The following ARHGAP32 variants were observed in gnomAD, a reference collection of about 807,000 sequenced individuals.
ARHGAP32 encodes the protein rho GTPase-activating protein 32.
ARHGAP32 carries 51 observed loss-of-function variants against 186.5 expected under a neutral mutation model. That is an observed-to-expected ratio of 0.27 (90% CI 0.22 to 0.35). The LOEUF is 0.35. Among genes scored for constraint, ARHGAP32 ranks in the 10% least tolerant of loss-of-function variants. The pLI is 1.00. For missense variants in ARHGAP32, 2,186 were observed against 2,623.5 expected (o/e 0.83, Z 3.64); for synonymous variants, 950 against 964.3 (o/e 0.99, Z 0.27).
intron 1 of ARHGAP32, among the ~76,000 whole-genome samples, chr11:129,166,418 C>A (rs1943642276): frequency 6.6e-6 from 1 of 151,824 alleles, no homozygotes; most frequent in Admixed American, 6.6e-5. Context: ...ATTCTATAAA[C>A]CTCAAGCAGA....
chr11:129,062,801 C>T (rs1940554893), intron 9 of ARHGAP32, among the ~76,000 whole-genome samples: 1 of 150,092 alleles, frequency 6.7e-6, no homozygotes, highest in South Asian at 2.1e-4. Flanking sequence ...ATGTGCCAGG[C>T]ACTGTACTGA....
chr11:129,109,786 T>C (rs961299270), intron 5 of ARHGAP32, among the ~76,000 whole-genome samples: 3 of 152,084 alleles, frequency 2.0e-5, no homozygotes, highest in Non-Finnish European at 2.9e-5. Context: ...TTTTATTTTT[T>C]GGTTTTTGTT....
chr11:129,127,776 T>C (rs1254423255), intron 2 of ARHGAP32, among the ~76,000 whole-genome samples: 1 of 72,794 alleles, frequency 1.4e-5, no homozygotes, highest in Non-Finnish European at 2.8e-5. Flanking sequence ...AAATAACAAG[T>C]TTTCCTATTT....
At chr11:129,276,491 A>C (rs1330275827) in intron 1 of ARHGAP32, among the ~76,000 whole-genome samples, 1 of 152,012 alleles carries the variant, frequency 6.6e-6, no homozygotes, top group African/African-American at 2.4e-5. Flanking sequence ...ATTTTCTGTA[A>C]AGACTGGGCC....
intron 1 of ARHGAP32, among the ~76,000 whole-genome samples, chr11:129,260,723 A>G (rs1361585400): frequency 2.0e-5 from 3 of 152,194 alleles, no homozygotes; most frequent in East Asian, 3.8e-4. Flanking sequence ...TTCTTGCGCT[A>G]AAGGCAACCT....
At chr11:129,095,555 G>C (rs1376322499) in intron 5 of ARHGAP32, among the ~76,000 whole-genome samples, 1 of 152,150 alleles carries the variant, frequency 6.6e-6, no homozygotes, top group Non-Finnish European at 1.5e-5. Flanking sequence ...CCAAGGACAA[G>C]GCAGCTAACC....
intron 15 of ARHGAP32, among the ~76,000 whole-genome samples, chr11:128,983,139 C>T (rs1308710314): frequency 1.3e-5 from 2 of 152,072 alleles, no homozygotes; most frequent in Admixed American, 1.3e-4. Context: ...CACAGAATTA[C>T]CATTCCCCTT....
intron 1 of ARHGAP32, among the ~76,000 whole-genome samples, chr11:129,190,240 A>G (rs549861638): frequency 3.3e-5 from 5 of 152,306 alleles, no homozygotes; most frequent in African/African-American, 1.2e-4. Context: ...ATTTTCCTGT[A>G]GGGCATCTCG....
intron 5 of ARHGAP32, among the ~76,000 whole-genome samples, chr11:129,105,449 C>A (rs145489682): frequency 6.6e-6 from 1 of 152,250 alleles, no homozygotes; most frequent in South Asian, 2.1e-4. Flanking sequence ...AGAAGCAACA[C>A]GTAAAGACCG....
intron 10 of ARHGAP32, among the ~76,000 whole-genome samples, chr11:129,058,950 CATACA>C (rs1940378361): frequency 1.3e-5 from 2 of 152,178 alleles, no homozygotes; most frequent in African/African-American, 4.8e-5. Flanking sequence ...TTTTCTCCAG[CATACA>C]ATTGATTAAT....
intron 5 of ARHGAP32, among the ~76,000 whole-genome samples, chr11:129,113,279 T>C (rs1942277619): frequency 6.6e-6 from 1 of 152,162 alleles, no homozygotes; most frequent in African/African-American, 2.4e-5. Context: ...AGTGGATCCT[T>C]GTAACACTTG....
intron 1 of ARHGAP32, among the ~76,000 whole-genome samples, chr11:129,264,441 G>A (rs546363296): frequency 6.6e-6 from 1 of 152,240 alleles, no homozygotes; most frequent in East Asian, 1.9e-4. Flanking sequence ...CCTCATGGGG[G>A]CACTTGTGAT....
At chr11:129,099,055 T>C (rs910738338) in intron 5 of ARHGAP32, among the ~76,000 whole-genome samples, 14 of 151,952 alleles carry the variant, frequency 9.2e-5, no homozygotes, top group Non-Finnish European at 2.1e-4. Context: ...TGCAGGAATA[T>C]AGGGAAAAAA....
chr11:129,120,343 T>G (rs372663077), intron 5 of ARHGAP32, among the ~76,000 whole-genome samples: 48 of 152,214 alleles, frequency 3.2e-4, no homozygotes, highest in African/African-American at 1.1e-3. Context: ...AGACTGTTCT[T>G]GGCACGCTGC....
intron 10 of ARHGAP32, among the ~76,000 whole-genome samples, chr11:129,051,909 T>C (rs962895697): frequency 7.7e-6 from 1 of 129,484 alleles, no homozygotes; most frequent in Non-Finnish European, 1.5e-5. Flanking sequence ...GAGCCGAGAT[T>C]GGGCCACTGC....
upstream of ARHGAP32, among the ~76,000 whole-genome samples, chr11:129,195,819 T>C (rs548733492): frequency 6.6e-6 from 1 of 152,346 alleles, no homozygotes; most frequent in East Asian, 1.9e-4. Flanking sequence ...CAACAGGTGA[T>C]GGTTAACAGC....
At chr11:129,244,925 C>T (rs1482216238) in intron 1 of ARHGAP32, among the ~76,000 whole-genome samples, 5 of 151,042 alleles carry the variant, frequency 3.3e-5, no homozygotes, top group African/African-American at 7.3e-5. Flanking sequence ...GTTAGAATGG[C>T]AATCATTAAA....
chr11:129,252,572 C>A (rs1210840522), intron 1 of ARHGAP32, among the ~76,000 whole-genome samples: 1 of 152,188 alleles, frequency 6.6e-6, no homozygotes, highest in Non-Finnish European at 1.5e-5. Flanking sequence ...ATATAAAGGG[C>A]AGCAGAAGAG....
At chr11:129,034,732 A>C (rs1939254842) in intron 11 of ARHGAP32, among the ~76,000 whole-genome samples, 3 of 149,890 alleles carry the variant, frequency 2.0e-5, no homozygotes. Flanking sequence ...TGAAAACAAA[A>C]AAAAAAAAAA....
Sources: gnomAD v4.1 joint callset for allele counts (sites outside exome capture counted in the v4.1 genomes callset) on GRCh38, gnomAD v4.1.1 for gene constraint, MANE v1.5 for transcripts, NCBI Gene and HGNC (gene_info 2026-07-23, HGNC 2026-07-21) for gene names.